NT5DC1: variants seen among roughly 807,000 people sequenced by gnomAD.
The protein encoded by NT5DC1 is 5'-nucleotidase domain-containing protein 1.
A neutral mutation model predicts 59.4 loss-of-function variants in NT5DC1; 42 were observed. The ratio of observed to expected loss-of-function variants is 0.71; its 90% CI spans 0.55 to 0.92. NT5DC1 has a LOEUF of 0.92. Ranked by LOEUF, NT5DC1 falls within the 40% of genes least tolerant of loss-of-function variation. NT5DC1 has a pLI of 0.00. For synonymous variants in NT5DC1, 172 were observed against 188.1 expected, an observed-to-expected ratio of 0.91 and a Z score of 0.70; for missense variants, 501 against 537.1, an observed-to-expected ratio of 0.93 and a Z score of 0.66.
intron 6 of NT5DC1, among the ~76,000 whole-genome samples, chr6:116,141,885 AACACACACACACACACACACACACAC>A (rs3051942): frequency 7.1e-6 from 1 of 140,330 alleles, no homozygotes. Flanking sequence ...CCAAAAAGAA[AACACACACACACACACACACACACAC>A]ACACACACAC....
chr6:116,217,306 A>G (rs753128067), intron 6 of NT5DC1, among the ~76,000 whole-genome samples: 9 of 152,140 alleles, frequency 5.9e-5, no homozygotes, highest in Non-Finnish European at 1.3e-4. Context: ...TTTTTAACAT[A>G]GGAGAGCTAA....
rs1009953236 is a variant in NT5DC1, at chr6:116,246,709, G to A, written c.*2685G>A. The A allele has an allele frequency of 6.6e-6, 1 of 152,132 alleles. No homozygotes were observed. Among genetic ancestry groups the A allele is most frequent in the African/African-American group, 2.4e-5 (1 of 41,444 alleles). The allele number at this position is 152,132 out of a possible 1,614,324, so 9.4% of individuals were successfully genotyped here. On this transcript the variant is annotated 3_prime_UTR_variant, in exon 12 of 12. Transcript: ENST00000319550. Reference sequence around the variant, plus strand: ...TACAAGAAGACTATCATAAGAGTTAGTTCCAGATTGGTGCAAGACTGGAAT... The same window carrying A: ...TACAAGAAGACTATCATAAGAGTTAATTCCAGATTGGTGCAAGACTGGAAT...
intron 8 of NT5DC1, 101 bp downstream of exon 8, chr6:116,223,232 T>C: frequency 1.6e-6 from 1 of 626,672 alleles, no homozygotes; most frequent in Non-Finnish European, 2.9e-6. Flanking sequence ...TTTCCTCTCA[T>C]GGGGAAGAAA....
rs60827021 is a variant in NT5DC1, at chr6:116,220,122, CTTT to C, written c.530-911_530-909del. Among the ~76,000 whole-genome samples, 289 of 98,622 alleles carry C rather than the reference CTTT, an allele frequency of 2.9e-3. 2 individuals carry two copies. The highest frequency in any genetic ancestry group is 6.6e-3 in the Middle Eastern group (1 of 152). 64.7% of individuals were successfully genotyped at this position (98,622 alleles called of 152,430 possible). A position where few individuals can be genotyped will look rare whatever the true frequency, so the allele number is the denominator to read the frequency against. ...TATCATTCAGTACAAGCTGTTTAAC[CTTT>C]TTTTTTTTTTTTTTTTTTTTGTCTA... On this transcript the variant is annotated intron_variant, in intron 6 of 11. Coordinates refer to ENST00000319550, the MANE Select transcript of NT5DC1 (RefSeq NM_152729.3).
chr6:116,199,692 G>T (rs1037259685), intron 6 of NT5DC1, among the ~76,000 whole-genome samples: 5 of 152,004 alleles, frequency 3.3e-5, no homozygotes, highest in Non-Finnish European at 7.4e-5. Flanking sequence ...AATGATGGAG[G>T]TGTGTAAAAG....
chr6:116,124,581 A>T (rs552713075), intron 6 of NT5DC1, among the ~76,000 whole-genome samples: 1 of 152,348 alleles, frequency 6.6e-6, no homozygotes, highest in East Asian at 1.9e-4. Context: ...CAGAAGTAGT[A>T]GTAGAAGTAA....
intron 6 of NT5DC1, among the ~76,000 whole-genome samples, chr6:116,154,029 C>CT (rs34356532): frequency 0.011 from 1,341 of 122,326 alleles, 14 homozygotes; most frequent in South Asian, 0.05. Flanking sequence ...GGGAAGATTT[C>CT]TTTTTTTTTT....
intron 6 of NT5DC1, among the ~76,000 whole-genome samples, chr6:116,153,214 A>G (rs1780094112): frequency 6.6e-6 from 1 of 152,086 alleles, no homozygotes. Flanking sequence ...TTTTTAAATC[A>G]TAAAACTTAT....
chr6:116,198,760 G>GGA (rs1781286407), intron 6 of NT5DC1, among the ~76,000 whole-genome samples: 1 of 151,752 alleles, frequency 6.6e-6, no homozygotes, highest in South Asian at 2.1e-4. Flanking sequence ...AAGGACTACA[G>GGA]GAGTCTCTTA....
At chr6:116,241,922 CAAAAAAAAAAAAAAAACAAAACAAAA>C (rs1226431920) in intron 11 of NT5DC1, among the ~76,000 whole-genome samples, 1 of 10,546 alleles carries the variant, frequency 9.5e-5, no homozygotes, top group East Asian at 3.4e-3. Flanking sequence ...GACTCCGTCT[CAAAAAAAAAAAAAAAACAAAACAAAA>C]AAAAAAAAAA....
intron 6 of NT5DC1, among the ~76,000 whole-genome samples, chr6:116,204,799 A>G (rs987091137): frequency 5.9e-5 from 9 of 152,016 alleles, no homozygotes; most frequent in African/African-American, 1.9e-4. Flanking sequence ...AACTTTGTCC[A>G]TGTTTTCAAC....
At chr6:116,118,175 C>A in intron 6 of NT5DC1, 2 of 498,652 alleles carry the variant, frequency 4.0e-6, no homozygotes, top group Non-Finnish European at 3.6e-6. Flanking sequence ...CTCTCCTTTA[C>A]CACGCCTGCC....
chr6:116,120,632 G>A, intron 6 of NT5DC1: 2 of 1,554,236 alleles, frequency 1.3e-6, no homozygotes, highest in Non-Finnish European at 1.7e-6. Flanking sequence ...TCTTGGACCT[G>A]GAGGCCCTGG....
At chr6:116,241,645 C>T (rs868104839) in intron 11 of NT5DC1, among the ~76,000 whole-genome samples, 12 of 151,938 alleles carry the variant, frequency 7.9e-5, no homozygotes, top group South Asian at 2.1e-4. Flanking sequence ...GCAAGACGGC[C>T]GGGTGCGGTG....
intron 6 of NT5DC1, among the ~76,000 whole-genome samples, chr6:116,149,410 A>G (rs1456780296): frequency 6.6e-6 from 1 of 152,186 alleles, no homozygotes; most frequent in African/African-American, 2.4e-5. Context: ...CTGGCTCTGC[A>G]TTTTTAGGAT....
intron 8 of NT5DC1, among the ~76,000 whole-genome samples, chr6:116,234,340 G>C (rs1782076306): frequency 5.3e-5 from 8 of 152,054 alleles, no homozygotes; most frequent in Admixed American, 5.2e-4. Context: ...TTTGGGTTGG[G>C]GTGGGGGTTG....
intron 6 of NT5DC1, chr6:116,121,261 C>CA: frequency 6.2e-7 from 1 of 1,613,928 alleles, no homozygotes; most frequent in Non-Finnish European, 8.5e-7. Flanking sequence ...TTCCTGGAGC[C>CA]CCAGGGAGAC....
chr6:116,136,315 T>C (rs1779599894), intron 6 of NT5DC1, among the ~76,000 whole-genome samples: 2 of 152,300 alleles, frequency 1.3e-5, no homozygotes, highest in South Asian at 4.1e-4. Flanking sequence ...TGTGTATGTA[T>C]GTAATATGCA....
At chr6:116,123,112 A>T (rs1779185929) in intron 6 of NT5DC1, among the ~76,000 whole-genome samples, 2 of 152,172 alleles carry the variant, frequency 1.3e-5, no homozygotes, top group Admixed American at 1.3e-4. Flanking sequence ...TGTTAGATTG[A>T]GCTTTGCTTT....
Sources: allele counts gnomAD v4.1 joint callset (sites outside exome capture counted in the v4.1 genomes callset), GRCh38; gene constraint gnomAD v4.1.1; transcripts MANE v1.5; gene names NCBI Gene and HGNC (gene_info 2026-07-23, HGNC 2026-07-21).